DSCAML1: variants seen among roughly 807,000 people sequenced by gnomAD.
DSCAML1 encodes the protein DS cell adhesion molecule like 1.
In DSCAML1, 38 loss-of-function variants were observed where a neutral mutation model predicts 200.5. The ratio of observed to expected loss-of-function variants is 0.19; its 90% confidence interval spans 0.15 to 0.25. The LOEUF is 0.25. DSCAML1 is among the 10% of genes least tolerant of loss of function. The probability of loss-of-function intolerance (pLI) is 1.00; values close to 1 mark genes in which losing one functional copy is unlikely to be tolerated. For synonymous variants in DSCAML1, 1,215 were observed against 1,165.0 expected (o/e 1.04, Z -0.87); for missense variants, 2,223 against 2,858.8 (o/e 0.78, Z 5.07).
intron 3 of DSCAML1, among the ~76,000 whole-genome samples, chr11:117,731,098 A>G (rs1357085546): frequency 6.6e-6 from 1 of 152,144 alleles, no homozygotes; most frequent in Non-Finnish European, 1.5e-5. Context: ...CTGTGAATAT[A>G]CTAAAAACAA....
intron 3 of DSCAML1, among the ~76,000 whole-genome samples, chr11:117,705,608 G>A: frequency 6.6e-6 from 1 of 152,202 alleles, no homozygotes; most frequent in Non-Finnish European, 1.5e-5. Flanking sequence ...CAGAAAGAGA[G>A]ACCAGTACGG....
At position 117,776,874 on chromosome 11, in the gene DSCAML1, A is replaced by G; in HGVS notation, c.428T>C (p.Val143Ala). Residue 143 changes from valine to alanine, a missense_variant, in exon 3 of 33, where the codon GTC (valine) becomes GCC (alanine). By Grantham distance (64) the Val-to-Ala change is moderately conservative. Coordinates refer to ENST00000651296, the MANE Select transcript of DSCAML1 (RefSeq NM_020693.4). Reference protein sequence around the residue: ...DQRSMRGNVAVFKCLIPSSVQ... With the variant: ...DQRSMRGNVAAFKCLIPSSVQ... ...TGAAGAGGGGATGAGGCACTTGAAG[A>G]CGGCCACGTTGCCACGCATTGACCT... 2 of 1,614,178 alleles carry G rather than the reference A, an allele frequency of 1.2e-6. No homozygotes were observed. The highest frequency in any genetic ancestry group is 1.7e-6 in the Non-Finnish European group (2 of 1,180,024).
rs557243846 is a variant in DSCAML1, at chr11:117,610,339, G to A, written c.512-77817C>T. 4.5e-4 allele frequency among the ~76,000 whole-genome samples: 68 copies of A among 152,256 alleles called. No homozygotes were observed. The South Asian group carries it at 8.9e-3, about 20-fold the overall frequency. On this transcript the variant is annotated intron_variant, in intron 3 of 32. Coordinates refer to ENST00000651296, the MANE Select transcript of DSCAML1 (RefSeq NM_020693.4). ...CCAAAACTACCCCCACTGCCCCATT[G>A]CAACTCCACATTACACTCACACCTC...
upstream of DSCAML1, among the ~76,000 whole-genome samples, chr11:117,800,161 T>C (rs1171454236): frequency 1.3e-5 from 2 of 152,164 alleles, no homozygotes; most frequent in Non-Finnish European, 2.9e-5. Flanking sequence ...TCTTTGAAAA[T>C]GACAGGTTGG....
At chr11:117,720,150 C>T (rs764754563) in intron 3 of DSCAML1, among the ~76,000 whole-genome samples, 1 of 152,064 alleles carries the variant, frequency 6.6e-6, no homozygotes, top group African/African-American at 2.4e-5. Flanking sequence ...AGAATAGGAG[C>T]ACTCAGCCCA....
At chr11:117,781,059 G>A (rs1178494487) in intron 1 of DSCAML1, among the ~76,000 whole-genome samples, 1 of 152,178 alleles carries the variant, frequency 6.6e-6, no homozygotes, top group African/African-American at 2.4e-5. Context: ...CACTTTGGGA[G>A]GCCGAGGCGG....
rs931230266 is a variant in DSCAML1, at chr11:117,502,590, C to T, written c.2359+1255G>A. The stretch of plus-strand genomic sequence containing the variant: ...TCCCTGTCTTATGCTGAGCTGAACG[C>T]GGGCTTTGGCAAGTGATAAAGAAGC... On this transcript the variant is annotated intron_variant, in intron 11 of 32. Coordinates refer to ENST00000651296, the MANE Select transcript of DSCAML1 (RefSeq NM_020693.4). 4.6e-5 allele frequency among the ~76,000 whole-genome samples: 7 copies of T among 152,154 alleles called. No individual in the cohort carries two copies. In the East Asian group the frequency reaches 7.7e-4, roughly 17 times the overall value.
chr11:117,690,818 C>G (rs916012317), intron 3 of DSCAML1, among the ~76,000 whole-genome samples: 7 of 152,180 alleles, frequency 4.6e-5, no homozygotes, highest in Admixed American at 6.5e-5. Flanking sequence ...CCACAGGGAA[C>G]CCTGGGAAGA....
At chr11:117,756,460 A>G (rs1436524086) in intron 3 of DSCAML1, among the ~76,000 whole-genome samples, 1 of 152,212 alleles carries the variant, frequency 6.6e-6, no homozygotes, top group Admixed American at 6.5e-5. Context: ...TGGGAGCCAG[A>G]GCCAGCGACC....
chr11:117,559,743 A>G (rs1486414048), intron 3 of DSCAML1, among the ~76,000 whole-genome samples: 1 of 152,142 alleles, frequency 6.6e-6, no homozygotes, highest in Non-Finnish European at 1.5e-5. Flanking sequence ...CCTGGGCTGA[A>G]GAAGGGGCAG....
At chr11:117,784,653 A>G (rs766473633) in intron 1 of DSCAML1, among the ~76,000 whole-genome samples, 1 of 152,192 alleles carries the variant, frequency 6.6e-6, no homozygotes, top group Non-Finnish European at 1.5e-5. Context: ...ACAAAGCCCT[A>G]GCAAGCTCCC....
intron 3 of DSCAML1, among the ~76,000 whole-genome samples, chr11:117,663,901 A>G (rs1209028335): frequency 6.6e-6 from 1 of 152,186 alleles, no homozygotes; most frequent in African/African-American, 2.4e-5. Context: ...TGACTGAAAC[A>G]TTTATTCCTC....
chr11:117,450,428 T>C, intron 20 of DSCAML1, 121 bp downstream of exon 20: 3 of 1,393,004 alleles, frequency 2.2e-6, no homozygotes, highest in Non-Finnish European at 2.9e-6. Context: ...TTCTTATCTA[T>C]GAATCCAGGC....
intron 3 of DSCAML1, among the ~76,000 whole-genome samples, chr11:117,764,694 G>T (rs1591484914): frequency 1.3e-5 from 2 of 152,360 alleles, no homozygotes; most frequent in South Asian, 4.1e-4. Flanking sequence ...CCTGGGCGCA[G>T]GCCCTGGGGT....
chr11:117,438,976 C>G lies in DSCAML1; in HGVS notation c.4152G>C (p.Pro1384=). The change falls in exon 24 of 33, where the codon CCG becomes CCC. Residue 1384 remains proline, a synonymous_variant. Transcript: ENST00000651296. ...IIVNLLVQVP[P]DQPRLTVSKT... ...TGGAGACAGTGAGGCGGGGCTGGTC[C>G]GGGGGAACTGTGAGGGGAAAGCCAC... 5 of 1,603,766 alleles carry G rather than the reference C, an allele frequency of 3.1e-6. No homozygotes were observed. Among genetic ancestry groups the G allele is most frequent in the Non-Finnish European group, 4.3e-6 (5 of 1,176,364 alleles).
chr11:117,717,212 C>T (rs534735704), intron 3 of DSCAML1, among the ~76,000 whole-genome samples: 16 of 152,272 alleles, frequency 1.1e-4, no homozygotes, highest in African/African-American at 7.2e-5. Context: ...GGCCCGAGAG[C>T]GGCCAAGGAC....
chr11:117,720,242 A>G (rs1340566196), intron 3 of DSCAML1, among the ~76,000 whole-genome samples: 1 of 152,284 alleles, frequency 6.6e-6, no homozygotes, highest in East Asian at 1.9e-4. Flanking sequence ...CTTTTTACTT[A>G]TTGGTGCAAG....
chr11:117,689,322 C>G (rs1426890793), intron 3 of DSCAML1, among the ~76,000 whole-genome samples: 1 of 152,232 alleles, frequency 6.6e-6, no homozygotes, highest in Non-Finnish European at 1.5e-5. Flanking sequence ...CTGTGCAGGA[C>G]AGCATCACCC....
chr11:117,603,070 C>A (rs748714798), intron 3 of DSCAML1, among the ~76,000 whole-genome samples: 12 of 152,006 alleles, frequency 7.9e-5, no homozygotes, highest in African/African-American at 2.9e-4. Context: ...CACTTCAGCT[C>A]GAGGACAAAG....
Sources: gnomAD v4.1 joint callset for allele counts (sites outside exome capture counted in the v4.1 genomes callset) on GRCh38, gnomAD v4.1.1 for gene constraint, MANE v1.5 for transcripts, NCBI Gene and HGNC (gene_info 2026-07-23, HGNC 2026-07-21) for gene names.